Variants in UBR1 observed in about 807,000 individuals in gnomAD.
UBR1 encodes ubiquitin protein ligase E3 component n-recognin 1.
Under a neutral mutation model 242.1 loss-of-function variants are expected in UBR1, and 102 were observed. The observed-to-expected ratio is 0.42, with a 90% CI of 0.36 to 0.50. UBR1 has a LOEUF of 0.50. Ranked by LOEUF, UBR1 falls within the 20% of genes least tolerant of loss-of-function variation. UBR1 has a pLI of 0.01. For missense variants in UBR1, 1,772 were observed against 2,101.8 expected, an observed-to-expected ratio of 0.84 and a Z score of 3.07; for synonymous variants, 675 against 684.8, an observed-to-expected ratio of 0.99 and a Z score of 0.22.
chr15:43,047,056 AAAT>A, intron 14 of UBR1, 102 bp downstream of exon 14: 1 of 1,346,458 alleles, frequency 7.4e-7, no homozygotes, highest in African/African-American at 1.5e-5. Context: ...AAGCTACTAT[AAAT>A]AATAAAAACT....
chr15:43,018,044 C>T (rs983154918), intron 27 of UBR1, among the ~76,000 whole-genome samples: 1 of 151,220 alleles, frequency 6.6e-6, no homozygotes, highest in Non-Finnish European at 1.5e-5. Flanking sequence ...GCTCTGTCGC[C>T]CAGGCTTGAG....
chr15:43,007,302 C>T lies in UBR1; in HGVS notation c.3210-18G>A. The T allele has an allele frequency of 6.2e-7, 1 of 1,612,946 alleles. No homozygotes were observed. Among genetic ancestry groups the T allele is most frequent in the Non-Finnish European group, 8.5e-7 (1 of 1,179,304 alleles). On this transcript the variant is annotated intron_variant, in intron 29 of 46. Transcript: ENST00000290650. ...CTGGGGTGCTACCAAAAGAAATGAT[C>T]AGAAATGAGGACACATGTTTTGGTC...
At chr15:43,057,421 A>G (rs889327790) in intron 10 of UBR1, among the ~76,000 whole-genome samples, 4 of 152,190 alleles carry the variant, frequency 2.6e-5, no homozygotes, top group African/African-American at 9.7e-5. Flanking sequence ...ACTGCAACTC[A>G]AAATCAGAGG....
intron 4 of UBR1, among the ~76,000 whole-genome samples, chr15:43,071,928 G>T (rs539741065): frequency 1.3e-5 from 2 of 152,256 alleles, no homozygotes; most frequent in African/African-American, 4.8e-5. Context: ...AAAAAATAAT[G>T]TAAAAAGATC....
At chr15:43,017,829 A>G (rs1164062405) in intron 27 of UBR1, among the ~76,000 whole-genome samples, 1 of 151,632 alleles carries the variant, frequency 6.6e-6, no homozygotes, top group Non-Finnish European at 1.5e-5. Context: ...AAAAAGATAC[A>G]AAATGGAAAG....
chr15:42,988,383 C>T (rs1039587134), intron 35 of UBR1: 3 of 213,852 alleles, frequency 1.4e-5, no homozygotes, highest in African/African-American at 7.1e-5. Context: ...CAGCCTCAAA[C>T]TCCTGGACTC....
chr15:43,027,049 C>T (rs1283941709), intron 22 of UBR1, among the ~76,000 whole-genome samples: 3 of 152,000 alleles, frequency 2.0e-5, no homozygotes, highest in Admixed American at 6.5e-5. Flanking sequence ...ATATCTAAAA[C>T]AGTAGGGAGA....
intron 3 of UBR1, among the ~76,000 whole-genome samples, chr15:43,076,548 G>GC (rs1233685073): frequency 7.4e-5 from 11 of 149,410 alleles, no homozygotes; most frequent in Non-Finnish European, 1.2e-4. Context: ...GAGCGCCTCT[G>GC]CCCCGCCGCC....
At position 43,007,097 on chromosome 15, in the gene UBR1, G is replaced by C; in HGVS notation, c.3397C>G (p.Pro1133Ala). Reference sequence around the variant, plus strand: ...TACATACCTCCTGAGAGTTCTATGGGTTTTCCCCTGTGCTGGGTTAAGGCA... The same window carrying C: ...TACATACCTCCTGAGAGTTCTATGGCTTTTCCCCTGTGCTGGGTTAAGGCA... ...STALTQHRGK[P>A]IELSGEALDP... Residue 1133 changes from proline (P) to alanine (A), a missense_variant, in exon 30 of 47, where the codon CCC (proline) becomes GCC (alanine). Around this residue, in one of 3 missense-constraint regions of UBR1, gnomAD observed 965 missense variants for 1,079.7 expected, o/e 0.89. Coordinates refer to ENST00000290650, the MANE Select transcript of UBR1 (RefSeq NM_174916.3). 1 of 1,614,110 alleles carries C rather than the reference G, an allele frequency of 6.2e-7. No individual in the cohort carries two copies. Among genetic ancestry groups the C allele is most frequent in the East Asian group, 2.2e-5 (1 of 44,878 alleles).
chr15:43,079,971 G>A (rs982616888), intron 3 of UBR1, among the ~76,000 whole-genome samples: 1 of 152,044 alleles, frequency 6.6e-6, no homozygotes, highest in African/African-American at 2.4e-5. Flanking sequence ...AGCTATAAAG[G>A]TCTGATTTTG....
At position 42,944,414 on chromosome 15, in the gene UBR1, C is replaced by T. The variant is rs7178567; in HGVS notation, c.*915G>A. Reference sequence around the variant, plus strand: ...TTGTCTTTTACAAAGATATAGAAGACTGCGGAATTGGTTTAAATCTGATTG... The same window carrying T: ...TTGTCTTTTACAAAGATATAGAAGATTGCGGAATTGGTTTAAATCTGATTG... On this transcript the variant is annotated 3_prime_UTR_variant, in exon 47 of 47. Coordinates refer to ENST00000290650, the MANE Select transcript of UBR1 (RefSeq NM_174916.3). 130,658 of 152,452 alleles carry T rather than the reference C, an allele frequency of 0.86. 56,098 individuals are homozygous for T. Among genetic ancestry groups the T allele is most frequent in the Non-Finnish European group, 0.89 (60,352 of 68,028 alleles). 9.4% of individuals were successfully genotyped at this position (152,452 alleles called of 1,614,324 possible). A position where few individuals can be genotyped will look rare whatever the true frequency, so the allele number is the denominator to read the frequency against.
chr15:43,007,351 T>G (rs1349886557), intron 29 of UBR1, 67 bp from the exon 30 acceptor site: 4 of 1,429,266 alleles, frequency 2.8e-6, no homozygotes, highest in Non-Finnish European at 2.9e-6. Context: ...TTTTGGTAGA[T>G]TTTAAGTAAC....
chr15:43,082,265 G>GT (rs893194256), intron 3 of UBR1, among the ~76,000 whole-genome samples: 149 of 148,622 alleles, frequency 1.0e-3, no homozygotes, highest in African/African-American at 2.8e-3. Context: ...TTTACTGTAA[G>GT]TTTTTTTTTT....
At position 43,002,703 on chromosome 15, in the gene UBR1, A is replaced by G; in HGVS notation, c.3511T>C (p.Tyr1171His). 6.2e-7 allele frequency: 1 copy of G among 1,614,104 alleles called. No homozygotes were observed. Among genetic ancestry groups the G allele is most frequent in the Non-Finnish European group, 8.5e-7 (1 of 1,180,020 alleles). Residue 1171 changes from tyrosine to histidine, a missense_variant and splice_region_variant, in exon 32 of 47, where the codon TAT (tyrosine) becomes CAT (histidine). By Grantham distance (83) the Tyr-to-His change is moderately conservative. Coordinates refer to ENST00000290650, the MANE Select transcript of UBR1 (RefSeq NM_174916.3). ...GAGCTCAGCTGTACAGCTTCAAAATACCTGCAAAATTACAAAGACACAGGC... is the reference window on the plus strand; with the variant it reads ...GAGCTCAGCTGTACAGCTTCAAAATGCCTGCAAAATTACAAAGACACAGGC... ...HVMHAVCWQKYFEAVQLSSQQ... is the reference protein window; with the variant it reads ...HVMHAVCWQKHFEAVQLSSQQ...
chr15:43,036,313 T>C (rs927180345), intron 18 of UBR1, 34 bp from the exon 19 acceptor site: 31 of 1,567,912 alleles, frequency 2.0e-5, no homozygotes, highest in Non-Finnish European at 2.7e-5. Context: ...ATTTCTTCTG[T>C]ATTATATGGA....
chr15:43,105,847 C>T (rs963062196), intron 1 of UBR1, 95 bp downstream of exon 1: 26 of 1,255,756 alleles, frequency 2.1e-5, no homozygotes, highest in Non-Finnish European at 2.9e-5. Flanking sequence ...TCCCCCTCCC[C>T]AGAGCCGCCA....
At chr15:42,976,631 C>T (rs1348349434) in intron 39 of UBR1, 86 bp downstream of exon 39, 6 of 1,492,242 alleles carry the variant, frequency 4.0e-6, no homozygotes, top group East Asian at 2.3e-5. Flanking sequence ...CCTAGAAATA[C>T]ATTATATAAT....
chr15:43,096,458 G>A (rs948967573), intron 1 of UBR1, among the ~76,000 whole-genome samples: 21 of 152,198 alleles, frequency 1.4e-4, no homozygotes, highest in South Asian at 8.3e-4. Context: ...CAACGCGCCC[G>A]GCCAGGCAAT....
intron 3 of UBR1, among the ~76,000 whole-genome samples, chr15:43,081,507 A>T (rs1251669904): frequency 6.6e-6 from 1 of 151,144 alleles, no homozygotes; most frequent in African/African-American, 2.4e-5. Context: ...GATTTTCACT[A>T]TTCTAATAGG....
Sources: allele counts gnomAD v4.1 joint callset (sites outside exome capture counted in the v4.1 genomes callset), GRCh38; gene constraint gnomAD v4.1.1; regional missense constraint gnomAD v4.1.1; transcripts MANE v1.5; gene names NCBI Gene and HGNC (gene_info 2026-07-23, HGNC 2026-07-21).